Variants in CPT2 observed in about 807,000 individuals in gnomAD.
CPT2 encodes carnitine palmitoyltransferase 2.
Under a neutral mutation model 48.6 loss-of-function variants are expected in CPT2, and 37 were observed. The ratio of observed to expected loss-of-function variants is 0.76; its 90% CI spans 0.59 to 1.00. The LOEUF (loss-of-function observed/expected upper bound fraction) is 1.00. CPT2 is among the 50% of genes least tolerant of loss of function. The probability of loss-of-function intolerance (pLI) is 0.00; values close to 1 mark genes in which losing one functional copy is unlikely to be tolerated. For missense variants in CPT2, 772 were observed against 825.6 expected (o/e 0.94, Z 0.80); for synonymous variants, 319 against 326.9 (o/e 0.98, Z 0.26).
Position 53,196,836 on chromosome 1 carries a change from C to G in CPT2, c.-108C>G. 2 of 1,403,356 alleles carry G rather than the reference C, an allele frequency of 1.4e-6. No individual in the cohort carries two copies. The highest frequency in any genetic ancestry group is 1.9e-6 in the Non-Finnish European group (2 of 1,036,194). The allele number at this position is 1,403,356 out of a possible 1,614,324, so 86.9% of individuals were successfully genotyped here. On this transcript the variant is annotated 5_prime_UTR_variant, in exon 1 of 5. Coordinates refer to ENST00000371486, the MANE Select transcript of CPT2 (RefSeq NM_000098.3). ...GTGGCCTGCGGGCGGAGAAGTGCCT[C>G]AGGAGTCCTGACGCAGTGTCTTGGG...
chr1:53,202,247 T>G (rs886315873), intron 2 of CPT2, 76 bp from the exon 3 acceptor site: 7 of 1,177,592 alleles, frequency 5.9e-6, no homozygotes, highest in Middle Eastern at 2.0e-4. Flanking sequence ...AACTCTATTA[T>G]GAGTTCCTCG....
chr1:53,211,388 T>C, intron 4 of CPT2, 69 bp downstream of exon 4: 1 of 1,418,340 alleles, frequency 7.1e-7, no homozygotes, highest in Non-Finnish European at 9.6e-7. Flanking sequence ...GCCTAAATCA[T>C]TCTACTCCAA....
Position 53,210,067 on chromosome 1 carries a change from T to G in CPT2, c.393T>G (p.Phe131Leu), listed in dbSNP as rs569391696. 2 of 1,614,212 alleles carry G rather than the reference T, an allele frequency of 1.2e-6. No individual in the cohort carries two copies. The highest frequency in any genetic ancestry group is 2.2e-5 in the South Asian group (2 of 91,086). The change falls in exon 4 of 5, where the codon TTT becomes TTG. Residue 131 changes from phenylalanine to leucine, a missense_variant. Physicochemically the swap from Phe to Leu is conservative, Grantham distance 22. Transcript: ENST00000371486. The stretch of plus-strand genomic sequence containing the variant: ...CTCGAGACTCCGTTGTTCTGAACTT[T>G]AATCCATTTATGGCTTTCAATCCTG... ...LSARDSVVLN[F>L]NPFMAFNPDP... is the part of the protein sequence containing the mutation.
chr1:53,199,330 A>G (rs1413791201), intron 1 of CPT2, among the ~76,000 whole-genome samples: 1 of 152,146 alleles, frequency 6.6e-6, no homozygotes, highest in East Asian at 1.9e-4. Flanking sequence ...CTGGGACCAC[A>G]GGCATGCACC....
chr1:53,201,871 G>A (rs1645356392), intron 2 of CPT2: 2 of 208,550 alleles, frequency 9.6e-6, no homozygotes, highest in Non-Finnish European at 2.0e-5. Context: ...TGAGTATTAT[G>A]TTTTAGGATA....
chr1:53,213,603 G>A lies in CPT2; in HGVS notation c.*8G>A. On this transcript the variant is annotated 3_prime_UTR_variant, in exon 5 of 5. Coordinates refer to ENST00000371486, the MANE Select transcript of CPT2 (RefSeq NM_000098.3). ...AAATCCATCAAAAGTTAACTTCTGG[G>A]CAGATGAAAAGCTACCATCACTTCC... The A allele has an allele frequency of 1.2e-6, 2 of 1,610,900 alleles. No homozygotes were observed. The highest frequency in any genetic ancestry group is 1.7e-6 in the Non-Finnish European group (2 of 1,178,850).
At position 53,211,096 on chromosome 1, in the gene CPT2, C is replaced by A. The variant is rs192779168; in HGVS notation, c.1422C>A (p.Ala474=). The change falls in exon 4 of 5, where the codon GCC becomes GCA. Residue 474 remains alanine, a synonymous_variant. Transcript: ENST00000371486. ...TTGCCCAGCTGGCATTCCAGATGGC[C>A]TTCCTGCGGCAGTACGGGCAGACAG... The part of the protein sequence containing the change: ...DAVAQLAFQM[A]FLRQYGQTVA... 3.8e-5 allele frequency: 61 copies of A among 1,614,120 alleles called. No homozygotes were observed. The African/African-American group carries it at 7.2e-4, about 19-fold the overall frequency.
At position 53,210,063 on chromosome 1, in the gene CPT2, A is replaced by G. The variant is rs1337351387; in HGVS notation, c.389A>G (p.Asn130Ser). The change falls in exon 4 of 5, where the codon AAC becomes AGC. Residue 130 changes from asparagine (N) to serine (S), a missense_variant. Transcript: ENST00000371486. ...YLSARDSVVL[N>S]FNPFMAFNPD... ...TCTGCTCGAGACTCCGTTGTTCTGA[A>G]CTTTAATCCATTTATGGCTTTCAAT... 3.1e-6 allele frequency: 5 copies of G among 1,613,974 alleles called. No individual in the cohort carries two copies. In the African/African-American group the frequency reaches 6.7e-5, roughly 22 times the overall value.
At chr1:53,206,641 C>T (rs1457954964) in intron 3 of CPT2, among the ~76,000 whole-genome samples, 2 of 152,230 alleles carry the variant, frequency 1.3e-5, no homozygotes, top group South Asian at 2.1e-4. Context: ...TTCAGGCTTG[C>T]GTGGGGCCTG....
At chr1:53,202,569 A>C (rs1423511844) in intron 3 of CPT2, 140 bp downstream of exon 3, 1 of 724,616 alleles carries the variant, frequency 1.4e-6, no homozygotes, top group Non-Finnish European at 2.5e-6. Context: ...TCCCTTCCTG[A>C]GGTAAATTAA....
intron 4 of CPT2, chr1:53,212,889 C>A: frequency 2.1e-6 from 1 of 481,192 alleles, no homozygotes; most frequent in Non-Finnish European, 3.6e-6. Flanking sequence ...TCAATCTTCT[C>A]TTTTACACTT....
In CPT2 at chr1:53,213,672, T is replaced by A; in HGVS notation, c.*77T>A. On this transcript the variant is annotated 3_prime_UTR_variant, in exon 5 of 5. Transcript: ENST00000371486. ...GGCCGGGCATGGTGGCTCATGCCTG[T>A]AATCCCAGCATTTTGAGAGGCTGAG... 1 of 1,316,496 alleles carries A rather than the reference T, an allele frequency of 7.6e-7. No individual in the cohort carries two copies. Among genetic ancestry groups the A allele is most frequent in the Non-Finnish European group, 1.1e-6 (1 of 937,702 alleles). 81.6% of individuals were successfully genotyped at this position (1,316,496 alleles called of 1,614,324 possible). A position where few individuals can be genotyped will look rare whatever the true frequency, so the allele number is the denominator to read the frequency against.
At chr1:53,213,176 G>A in intron 4 of CPT2, 88 bp from the exon 5 acceptor site, 2 of 1,295,266 alleles carry the variant, frequency 1.5e-6, no homozygotes, top group Admixed American at 3.5e-5. Flanking sequence ...ATGCTGTGAG[G>A]GGTATTCCTA....
At position 53,211,339 on chromosome 1, in the gene CPT2, C is replaced by T. The variant is rs574640455; in HGVS notation, c.1645+20C>T. 1.3e-6 allele frequency: 2 copies of T among 1,575,692 alleles called. No individual in the cohort carries two copies. The highest frequency in any genetic ancestry group is 2.3e-5 in the South Asian group (2 of 86,790). ...CAATGGGTGAGGCAGGGGTGGGGAG[C>T]ATGCCCTTGGGTCTTGTCCTCAGTG... On this transcript the variant is annotated intron_variant, in intron 4 of 4. Coordinates refer to ENST00000371486, the MANE Select transcript of CPT2 (RefSeq NM_000098.3).
At chr1:53,213,155 C>G (rs1308569631) in intron 4 of CPT2, 109 bp from the exon 5 acceptor site, 15 of 1,034,984 alleles carry the variant, frequency 1.4e-5, no homozygotes, top group Non-Finnish European at 1.8e-5. Context: ...AGCCTTCCCC[C>G]ACTCTCAAGG....
Position 53,213,524 on chromosome 1 carries a change from T to G in CPT2, c.1906T>G (p.Phe636Val), listed in dbSNP as rs1557719776. 1 of 1,614,180 alleles carries G rather than the reference T, an allele frequency of 6.2e-7. No homozygotes were observed. Among genetic ancestry groups the G allele is most frequent in the African/African-American group, 1.3e-5 (1 of 75,044 alleles). ...CTACCCAGGCCGCAATGCCCGGGAG[T>G]TTCTCCAATGTGTGGAGAAGGCCTT... ...SSYPGRNARE[F>V]LQCVEKALED... Residue 636 changes from phenylalanine to valine, a missense_variant, in exon 5 of 5, where the codon TTT (phenylalanine) becomes GTT (valine). Phe to Val is a conservative substitution (Grantham distance 50). Transcript: ENST00000371486.
chr1:53,205,036 A>C (rs1282029957), intron 3 of CPT2, among the ~76,000 whole-genome samples: 1 of 152,240 alleles, frequency 6.6e-6, no homozygotes, highest in Non-Finnish European at 1.5e-5. Flanking sequence ...CATTGCTACA[A>C]AGATACCTGA....
chr1:53,210,369 A>T lies in CPT2; in HGVS notation c.695A>T (p.Asp232Val). Residue 232 changes from aspartate (D) to valine (V), a missense_variant, in exon 4 of 5, where the codon GAT (aspartate) becomes GTT (valine). Physicochemically the swap from Asp to Val is radical, Grantham distance 152. Coordinates refer to ENST00000371486, the MANE Select transcript of CPT2 (RefSeq NM_000098.3). ...ACTCGTTTACCCAAACCCAGTCGGG[A>T]TGAACTCTTCACTGATGACAAGGCC... Reference protein sequence around the residue: ...NSTRLPKPSRDELFTDDKARH... With the variant: ...NSTRLPKPSRVELFTDDKARH... The T allele has an allele frequency of 6.2e-7, 1 of 1,614,064 alleles. No individual in the cohort carries two copies.
chr1:53,206,819 T>A (rs1420780244), intron 3 of CPT2, among the ~76,000 whole-genome samples: 1 of 152,190 alleles, frequency 6.6e-6, no homozygotes, highest in East Asian at 1.9e-4. Context: ...TAATTTTGAG[T>A]TAATGCTGGA....
Sources: gnomAD v4.1 joint callset for allele counts (sites outside exome capture counted in the v4.1 genomes callset) on GRCh38, gnomAD v4.1.1 for gene constraint, MANE v1.5 for transcripts, NCBI Gene and HGNC (gene_info 2026-07-23, HGNC 2026-07-21) for gene names.